GPD1L: variants seen among roughly 807,000 people sequenced by gnomAD.
GPD1L encodes the protein glycerol-3-phosphate dehydrogenase 1 like.
GPD1L carries 17 observed loss-of-function variants against 32.9 expected under a neutral mutation model. That is an observed-to-expected ratio of 0.52 (90% confidence interval 0.35 to 0.78). The LOEUF is 0.78. Ranked by LOEUF, GPD1L falls within the 30% of genes least tolerant of loss-of-function variation. The pLI is 0.01. For synonymous variants in GPD1L, 187 were observed against 165.9 expected (o/e 1.13, Z -0.98); for missense variants, 361 against 447.8 (o/e 0.81, Z 1.75).
At chr3:32,155,885 G>T (rs1700981646) in intron 5 of GPD1L, among the ~76,000 whole-genome samples, 1 of 152,196 alleles carries the variant, frequency 6.6e-6, no homozygotes, top group African/African-American at 2.4e-5. Flanking sequence ...CAATGTAGAG[G>T]CTCTCTGGAT....
intron 1 of GPD1L, among the ~76,000 whole-genome samples, chr3:32,113,516 C>T (rs1700283272): frequency 6.6e-6 from 1 of 152,184 alleles, no homozygotes; most frequent in Admixed American, 6.5e-5. Flanking sequence ...TCTCCTTTCC[C>T]TTTCCTCCTC....
In GPD1L at chr3:32,106,620, G is replaced by A; in HGVS notation, c.-92G>A. On this transcript the variant is annotated 5_prime_UTR_variant, in exon 1 of 8. Coordinates refer to ENST00000282541, the MANE Select transcript of GPD1L (RefSeq NM_015141.4). This position sits in a 1 kb window ranked among gnomAD's most constrained non-coding sequence, Gnocchi z 4.0. ...TTGGCGGAGAGGCGAAAGGGGCGGG[G>A]CCGCCGCCAGCCGCTGCGGGCAAGG... is the stretch of plus-strand genomic sequence containing the variant. The A allele has an allele frequency of 7.8e-7, 1 of 1,280,510 alleles. No individual in the cohort carries two copies. The highest frequency in any genetic ancestry group is 1.0e-6 in the Non-Finnish European group (1 of 978,914). The allele number at this position is 1,280,510 out of a possible 1,614,324, so 79.3% of individuals were successfully genotyped here.
intron 3 of GPD1L, among the ~76,000 whole-genome samples, chr3:32,139,832 C>T (rs1028174940): frequency 9.2e-5 from 14 of 152,186 alleles, no homozygotes; most frequent in African/African-American, 3.1e-4. Context: ...GCACAACTCT[C>T]TTTATAGACT....
intron 1 of GPD1L, among the ~76,000 whole-genome samples, chr3:32,120,649 A>G (rs1041600545): frequency 6.6e-6 from 1 of 152,188 alleles, no homozygotes; most frequent in African/African-American, 2.4e-5. Flanking sequence ...AAGCGGGAAG[A>G]TCTGGTCTCT....
At chr3:32,124,909 C>G (rs992833441) in intron 1 of GPD1L, among the ~76,000 whole-genome samples, 1 of 152,008 alleles carries the variant, frequency 6.6e-6, no homozygotes, top group Non-Finnish European at 1.5e-5. Context: ...GAGGACAGAG[C>G]AAGACATTGT....
chr3:32,117,815 T>C (rs576044902), intron 1 of GPD1L, among the ~76,000 whole-genome samples: 1 of 152,328 alleles, frequency 6.6e-6, no homozygotes, highest in East Asian at 1.9e-4. Flanking sequence ...GGACCCTGTG[T>C]GTTGTTCTCC....
chr3:32,128,570 A>T (rs1273503055), intron 2 of GPD1L, among the ~76,000 whole-genome samples: 1 of 152,190 alleles, frequency 6.6e-6, no homozygotes, highest in Non-Finnish European at 1.5e-5. Flanking sequence ...TGGCTTATAG[A>T]TAGCATCTTC....
intron 1 of GPD1L, among the ~76,000 whole-genome samples, chr3:32,116,327 A>T (rs1401102044): frequency 1.3e-5 from 2 of 152,196 alleles, no homozygotes; most frequent in Non-Finnish European, 1.5e-5. Context: ...TGTGGTTTAT[A>T]CTTGTCCCAG....
Position 32,162,631 on chromosome 3 carries a change from C to T in GPD1L, c.959+2957C>T, listed in dbSNP as rs1450073929. Among the ~76,000 whole-genome samples the T allele has an allele frequency of 1.0e-4, 6 of 57,650 alleles. 1 individual carries two copies. Among genetic ancestry groups the T allele is most frequent in the African/African-American group, 2.3e-4 (2 of 8,816 alleles). 37.8% of individuals were successfully genotyped at this position (57,650 alleles called of 152,430 possible). On this transcript the variant is annotated intron_variant, in intron 7 of 7. Transcript: ENST00000282541. ...CGATCTCCTGACCTCATGATCCACC[C>T]GCCTCGGCCTCCCAAAGTGCCCTTA...
At chr3:32,158,785 T>C in intron 5 of GPD1L, 91 bp from the exon 6 acceptor site, 1 of 1,552,804 alleles carries the variant, frequency 6.4e-7, no homozygotes, top group Non-Finnish European at 8.7e-7. Context: ...GTCCCTGGTC[T>C]GCCCCTGCCT....
At chr3:32,130,692 C>T (rs531537290) in intron 2 of GPD1L, among the ~76,000 whole-genome samples, 4 of 152,028 alleles carry the variant, frequency 2.6e-5, no homozygotes, top group South Asian at 2.1e-4. Flanking sequence ...TTCTGAAGGC[C>T]GGTTGCGGTG....
intron 1 of GPD1L, among the ~76,000 whole-genome samples, chr3:32,123,798 A>AT (rs983168907): frequency 4.1e-5 from 5 of 123,132 alleles, no homozygotes; most frequent in East Asian, 2.1e-4. Context: ...TGAAAGATAG[A>AT]TAGATAGATA....
chr3:32,165,298 A>G (rs1039275500), intron 7 of GPD1L, among the ~76,000 whole-genome samples: 7 of 152,254 alleles, frequency 4.6e-5, no homozygotes, highest in African/African-American at 1.7e-4. Flanking sequence ...AGAAAAGGTA[A>G]GATAAATCAA....
At chr3:32,157,453 C>A (rs1701009890) in intron 5 of GPD1L, among the ~76,000 whole-genome samples, 1 of 152,134 alleles carries the variant, frequency 6.6e-6, no homozygotes. Context: ...TGCAGCTCTC[C>A]CCTGGGGGCA....
At chr3:32,146,076 C>CTTTTTCTTTTTT (rs1700817856) in intron 4 of GPD1L, among the ~76,000 whole-genome samples, 1 of 127,606 alleles carries the variant, frequency 7.8e-6, no homozygotes, top group African/African-American at 3.2e-5. Context: ...GACAATCATG[C>CTTTTTCTTTTTT]TTTTTTCTTT....
At chr3:32,162,543 G>A (rs1701087279) in intron 7 of GPD1L, among the ~76,000 whole-genome samples, 1 of 114,770 alleles carries the variant, frequency 8.7e-6, no homozygotes, top group Admixed American at 8.0e-5. Flanking sequence ...CCGCCACCGC[G>A]CCCGGCTAAT....
chr3:32,158,829 G>A (rs752064476), intron 5 of GPD1L, 47 bp from the exon 6 acceptor site: 66 of 1,596,420 alleles, frequency 4.1e-5, no homozygotes, highest in South Asian at 1.1e-4. Context: ...ATCCATACCC[G>A]TGGTGGGTGC....
intron 1 of GPD1L, among the ~76,000 whole-genome samples, chr3:32,120,420 A>T (rs933750890): frequency 6.6e-5 from 10 of 152,202 alleles, no homozygotes. Context: ...AGTTCAGGGA[A>T]ATTTAATAGG....
chr3:32,123,791 A>AAGATAGATAGATAGATAGAT lies in GPD1L; in HGVS notation c.48-4253_48-4234dup, dbSNP rs564716825. 9.2e-3 allele frequency among the ~76,000 whole-genome samples: 1,169 copies of AAGATAGATAGATAGATAGAT among 126,950 alleles called. 11 individuals carry two copies. Among genetic ancestry groups the AAGATAGATAGATAGATAGAT allele is most frequent in the East Asian group, 0.016 (69 of 4,194 alleles). The allele number at this position is 126,950 out of a possible 152,430, so 83.3% of individuals were successfully genotyped here. On this transcript the variant is annotated intron_variant, in intron 1 of 7. Coordinates refer to ENST00000282541, the MANE Select transcript of GPD1L (RefSeq NM_015141.4). ...AGAGAGATAGATATGCAGGAATTGA[A>AAGATAGATAGATAGATAGAT]AGATAGATAGATAGATAGATAGATA...
Sources: gnomAD v4.1 joint callset for allele counts (sites outside exome capture counted in the v4.1 genomes callset) on GRCh38, gnomAD v4.1.1 for gene constraint, Gnocchi (gnomAD v3.1) non-coding constraint, MANE v1.5 for transcripts, NCBI Gene and HGNC (gene_info 2026-07-23, HGNC 2026-07-21) for gene names.